Variants in CTNNA1 observed in about 807,000 individuals in gnomAD.
CTNNA1 encodes catenin alpha 1, also known as catenin alpha-1.
In CTNNA1, 37 loss-of-function variants were observed where a neutral mutation model predicts 98.4. That is an observed-to-expected ratio of 0.38 (90% CI 0.29 to 0.49). CTNNA1 has a LOEUF of 0.49. Among genes scored for constraint, CTNNA1 ranks in the 20% least tolerant of loss-of-function variants. The pLI is 0.95. For synonymous variants in CTNNA1, 404 were observed against 413.2 expected, an observed-to-expected ratio of 0.98 and a Z score of 0.27; for missense variants, 761 against 1,147.2, an observed-to-expected ratio of 0.66 and a Z score of 4.86.
intron 9 of CTNNA1, among the ~76,000 whole-genome samples, chr5:138,903,370 T>C (rs530651103): frequency 6.6e-6 from 1 of 152,310 alleles, no homozygotes; most frequent in South Asian, 2.1e-4. Flanking sequence ...GCATTTAAAT[T>C]CCCAGAAAGT....
chr5:138,813,143 G>T (rs1759016550), intron 5 of CTNNA1, among the ~76,000 whole-genome samples: 2 of 152,162 alleles, frequency 1.3e-5, no homozygotes, highest in Admixed American at 1.3e-4. Context: ...AGTGACTTCA[G>T]GGTTGTTAAA....
chr5:138,842,477 A>G (rs28363422), intron 7 of CTNNA1, among the ~76,000 whole-genome samples: 8 of 152,176 alleles, frequency 5.3e-5, no homozygotes, highest in Admixed American at 5.2e-4. Context: ...TTGGCCATTA[A>G]TATATACTAT....
At chr5:138,893,331 T>C (rs931142856) in intron 9 of CTNNA1, among the ~76,000 whole-genome samples, 1 of 152,122 alleles carries the variant, frequency 6.6e-6, no homozygotes, top group African/African-American at 2.4e-5. Flanking sequence ...CCCTAGGCTT[T>C]CCATACATAG....
chr5:138,864,533 T>C (rs1764561478), intron 7 of CTNNA1, among the ~76,000 whole-genome samples: 1 of 152,182 alleles, frequency 6.6e-6, no homozygotes. Context: ...AGGGTAGTTT[T>C]TGGGAGGGGA....
Position 138,837,185 on chromosome 5 carries a change from A to G in CTNNA1, c.1062+9467A>G, listed in dbSNP as rs148632838. On this transcript the variant is annotated intron_variant, in intron 7 of 17. Transcript: ENST00000302763. ...CTATCAAGTCTTGAAGTGAGACTCA[A>G]TTATCTCTCTGTGATAGCATTTGCT... is the stretch of plus-strand genomic sequence containing the variant. 4.3e-4 allele frequency among the ~76,000 whole-genome samples: 65 copies of G among 152,320 alleles called. No homozygotes were observed. In the South Asian group the frequency reaches 5.6e-3, roughly 13 times the overall value.
At chr5:138,930,013 A>G (rs1429729877) in intron 14 of CTNNA1, among the ~76,000 whole-genome samples, 1 of 152,192 alleles carries the variant, frequency 6.6e-6, no homozygotes, top group East Asian at 1.9e-4. Context: ...TTGCTCAAGT[A>G]TGGCCTGAGT....
intron 1 of CTNNA1, among the ~76,000 whole-genome samples, chr5:138,772,656 T>A (rs906499411): frequency 6.6e-6 from 1 of 152,216 alleles, no homozygotes; most frequent in Non-Finnish European, 1.5e-5. Context: ...ATAGGCATGG[T>A]TATCATCCTT....
At chr5:138,838,910 C>T (rs1441348544) in intron 7 of CTNNA1, among the ~76,000 whole-genome samples, 1 of 152,060 alleles carries the variant, frequency 6.6e-6, no homozygotes, top group Non-Finnish European at 1.5e-5. Context: ...GGATTACAGG[C>T]GTGAGCTACC....
At chr5:138,932,865 T>G (rs1765672155) in intron 17 of CTNNA1, 153 bp downstream of exon 17, 1 of 964,878 alleles carries the variant, frequency 1.0e-6, no homozygotes, top group Non-Finnish European at 1.7e-6. Context: ...GACCAAGGTC[T>G]GTCCATCATC....
intron 4 of CTNNA1, among the ~76,000 whole-genome samples, chr5:138,811,282 C>T (rs1189077257): frequency 1.5e-3 from 189 of 128,350 alleles, no homozygotes; most frequent in Non-Finnish European, 2.6e-3. Context: ...CCAGACGGGG[C>T]GGCGGGGCAG....
At chr5:138,771,077 G>A (rs1456383358) in intron 1 of CTNNA1, among the ~76,000 whole-genome samples, 1 of 151,988 alleles carries the variant, frequency 6.6e-6, no homozygotes, top group Non-Finnish European at 1.5e-5. Flanking sequence ...TCTTTGTTTA[G>A]TTATTTATGC....
intron 7 of CTNNA1, chr5:138,871,234 A>T (rs1236959282): frequency 6.6e-6 from 1 of 152,224 alleles, no homozygotes; most frequent in African/African-American, 2.4e-5. Context: ...TAACTTGAAA[A>T]ATGGTAGTGG....
At chr5:138,923,733 C>T (rs890537770) in intron 11 of CTNNA1, among the ~76,000 whole-genome samples, 2 of 152,142 alleles carry the variant, frequency 1.3e-5, no homozygotes, top group Admixed American at 1.3e-4. Flanking sequence ...GTTGCTTTCA[C>T]GTTGTTACTA....
In CTNNA1 at chr5:138,798,482, C is replaced by T. The variant is rs147117138; in HGVS notation, c.302-11556C>T. On this transcript the variant is annotated intron_variant, in intron 3 of 17. Coordinates refer to ENST00000302763, the MANE Select transcript of CTNNA1 (RefSeq NM_001903.5). ...TGTAACAGGTTCAGGTTAAAACAAA[C>T]AAGCCTTTTGTTTTTTTTATCCATC... 3.3e-3 allele frequency among the ~76,000 whole-genome samples: 496 copies of T among 152,310 alleles called. 3 individuals are homozygous for T. Among genetic ancestry groups the T allele is most frequent in the Middle Eastern group, 0.01 (3 of 294 alleles).
At chr5:138,821,064 A>G (rs949513563) in intron 5 of CTNNA1, among the ~76,000 whole-genome samples, 7 of 152,188 alleles carry the variant, frequency 4.6e-5, no homozygotes, top group Non-Finnish European at 1.0e-4. Context: ...CAACTGAGTG[A>G]CTGAACCACT....
chr5:138,865,703 C>T (rs1321773774), intron 7 of CTNNA1, among the ~76,000 whole-genome samples: 1 of 152,306 alleles, frequency 6.6e-6, no homozygotes, highest in East Asian at 1.9e-4. Context: ...TGTGGACTCA[C>T]ATACAATATT....
chr5:138,830,309 C>G (rs1761149834), intron 7 of CTNNA1, among the ~76,000 whole-genome samples: 1 of 152,202 alleles, frequency 6.6e-6, no homozygotes, highest in African/African-American at 2.4e-5. Flanking sequence ...TTGCAGTGAG[C>G]CAAGATCGCA....
At chr5:138,886,959 CAAAATT>C (rs2150028365) in intron 8 of CTNNA1, among the ~76,000 whole-genome samples, 2 of 152,046 alleles carry the variant, frequency 1.3e-5, no homozygotes, top group Admixed American at 1.3e-4. Context: ...TGATATAAAA[CAAAATT>C]AAAGATAAAA....
chr5:138,787,643 A>G (rs914171224), intron 3 of CTNNA1, among the ~76,000 whole-genome samples: 4 of 152,178 alleles, frequency 2.6e-5, no homozygotes, highest in Non-Finnish European at 4.4e-5. Flanking sequence ...TTATGTGTTT[A>G]TTTATTATAC....
Sources: gnomAD v4.1 joint callset for allele counts (sites outside exome capture counted in the v4.1 genomes callset) on GRCh38, gnomAD v4.1.1 for gene constraint, MANE v1.5 for transcripts, NCBI Gene and HGNC (gene_info 2026-07-23, HGNC 2026-07-21) for gene names.